Variants in NXPH1 observed in about 807,000 individuals in gnomAD.
NXPH1 encodes neurexophilin 1.
Under a neutral mutation model 23.7 loss-of-function variants are expected in NXPH1, and 5 were observed. The observed-to-expected ratio is 0.21, with a 90% confidence interval of 0.11 to 0.44. NXPH1 has a LOEUF of 0.44. NXPH1 is among the 20% of genes least tolerant of loss of function. NXPH1 has a pLI of 0.99. For synonymous variants in NXPH1, 144 were observed against 122.2 expected (o/e 1.18, Z -1.18); for missense variants, 324 against 321.6 (o/e 1.01, Z -0.06).
At chr7:8,713,189 TC>T (rs1452308260) in intron 2 of NXPH1, among the ~76,000 whole-genome samples, 1 of 152,190 alleles carries the variant, frequency 6.6e-6, no homozygotes, top group East Asian at 1.9e-4. Context: ...ATCTTCAAGC[TC>T]ACCAATCCTT....
chr7:8,505,312 C>T (rs1420936755), intron 2 of NXPH1, among the ~76,000 whole-genome samples: 1 of 151,970 alleles, frequency 6.6e-6, no homozygotes, highest in African/African-American at 2.4e-5. Flanking sequence ...ATTTTCAGTG[C>T]CAACAACCTT....
chr7:8,665,918 C>G (rs2349769), intron 2 of NXPH1, among the ~76,000 whole-genome samples: 422 of 27,682 alleles, frequency 0.015, 10 homozygotes, highest in African/African-American at 0.011. Flanking sequence ...TTTTCTTTTT[C>G]TTTTTTTTTT....
intron 2 of NXPH1, among the ~76,000 whole-genome samples, chr7:8,509,779 T>C (rs1045883468): frequency 6.6e-6 from 1 of 152,138 alleles, no homozygotes; most frequent in Non-Finnish European, 1.5e-5. Flanking sequence ...TTAACACATG[T>C]TCCAACAAAA....
intron 2 of NXPH1, among the ~76,000 whole-genome samples, chr7:8,465,181 G>T (rs987654569): frequency 2.0e-5 from 3 of 152,204 alleles, no homozygotes; most frequent in African/African-American, 7.2e-5. Context: ...ATTGCACAAG[G>T]AGGTCTCAGT....
intron 2 of NXPH1, among the ~76,000 whole-genome samples, chr7:8,676,635 T>C (rs75043739): frequency 0.017 from 2,646 of 152,298 alleles, 77 homozygotes; most frequent in African/African-American, 0.06. Context: ...GATTCCAAGA[T>C]GTGCTTATTT....
chr7:8,567,853 T>G (rs1451361414), intron 2 of NXPH1, among the ~76,000 whole-genome samples: 3 of 151,862 alleles, frequency 2.0e-5, no homozygotes, highest in Non-Finnish European at 2.9e-5. Flanking sequence ...CTAATTTCAA[T>G]CAGGTACTTT....
At chr7:8,621,648 G>A (rs138300370) in intron 2 of NXPH1, among the ~76,000 whole-genome samples, 216 of 151,862 alleles carry the variant, frequency 1.4e-3, no homozygotes, top group African/African-American at 5.1e-3. Context: ...GCACCACGCC[G>A]GCTAATTTTT....
chr7:8,726,663 A>T (rs1355688523), intron 2 of NXPH1, among the ~76,000 whole-genome samples: 3 of 149,316 alleles, frequency 2.0e-5, no homozygotes, highest in African/African-American at 7.4e-5. Context: ...AAGGACATGA[A>T]CTCATCATTT....
rs1273628883 is a variant in NXPH1 at position 8,497,645 on chromosome 7, C to A, written c.54+61878C>A. On this transcript the variant is annotated intron_variant, in intron 2 of 2. Coordinates refer to ENST00000405863, the MANE Select transcript of NXPH1 (RefSeq NM_152745.3). ...GAGCATTTTTTCATGTGTCTTTTGGCTGCATAAATGTCTTCTTTTGAGAAG... is the reference window on the plus strand; with the variant it reads ...GAGCATTTTTTCATGTGTCTTTTGGATGCATAAATGTCTTCTTTTGAGAAG... 2.0e-5 allele frequency among the ~76,000 whole-genome samples: 3 copies of A among 152,160 alleles called. No individual in the cohort carries two copies. The East Asian group carries it at 5.8e-4, about 29-fold the overall frequency.
At chr7:8,561,706 T>G (rs768013350) in intron 2 of NXPH1, among the ~76,000 whole-genome samples, 7 of 151,412 alleles carry the variant, frequency 4.6e-5, no homozygotes, top group Non-Finnish European at 8.9e-5. Context: ...GAGGGCATAA[T>G]GAGGTTTTGT....
At chr7:8,479,578 C>CT (rs1319494554) in intron 2 of NXPH1, among the ~76,000 whole-genome samples, 2 of 152,100 alleles carry the variant, frequency 1.3e-5, no homozygotes, top group Non-Finnish European at 2.9e-5. Flanking sequence ...AAAAGCACTC[C>CT]TAGCATCCAG....
intron 2 of NXPH1, among the ~76,000 whole-genome samples, chr7:8,670,384 C>T (rs1452301249): frequency 1.3e-5 from 2 of 152,154 alleles, no homozygotes; most frequent in African/African-American, 4.8e-5. Context: ...AATGTTAAAA[C>T]CAAATTGGAT....
chr7:8,470,190 G>T (rs185134590), intron 2 of NXPH1, among the ~76,000 whole-genome samples: 26 of 152,236 alleles, frequency 1.7e-4, no homozygotes, highest in Non-Finnish European at 3.5e-4. Flanking sequence ...ACAAAGAAAA[G>T]TCTATTTCCC....
At chr7:8,693,097 CAG>C (rs1821246973) in intron 2 of NXPH1, among the ~76,000 whole-genome samples, 1 of 152,022 alleles carries the variant, frequency 6.6e-6, no homozygotes, top group African/African-American at 2.4e-5. Flanking sequence ...GGAACTTAAG[CAG>C]AGTCAAAGCA....
At chr7:8,544,266 T>C (rs1268169352) in intron 2 of NXPH1, among the ~76,000 whole-genome samples, 1 of 151,610 alleles carries the variant, frequency 6.6e-6, no homozygotes, top group Admixed American at 6.6e-5. Flanking sequence ...TTCTTTGTTT[T>C]GGGGGCTTTC....
At chr7:8,555,938 G>A (rs541435677) in intron 2 of NXPH1, among the ~76,000 whole-genome samples, 29 of 151,734 alleles carry the variant, frequency 1.9e-4, no homozygotes, top group African/African-American at 6.8e-4. Context: ...TGGAACAAAT[G>A]GATCTAGTTT....
chr7:8,704,498 A>T (rs1779673487), intron 2 of NXPH1, among the ~76,000 whole-genome samples: 1 of 152,126 alleles, frequency 6.6e-6, no homozygotes, highest in South Asian at 2.1e-4. Flanking sequence ...TAAGCCAGAG[A>T]TGATGGTGGG....
intron 2 of NXPH1, among the ~76,000 whole-genome samples, chr7:8,570,952 C>A (rs1818631979): frequency 6.6e-6 from 1 of 151,666 alleles, no homozygotes; most frequent in Admixed American, 6.6e-5. Context: ...ATAAAAATAA[C>A]CTACTCAGAA....
chr7:8,553,609 G>A (rs1023783773), intron 2 of NXPH1, among the ~76,000 whole-genome samples: 1 of 151,494 alleles, frequency 6.6e-6, no homozygotes, highest in African/African-American at 2.4e-5. Flanking sequence ...CTTTCTCAGG[G>A]TAATAGTTTA....
Sources: gnomAD v4.1 joint callset for allele counts (sites outside exome capture counted in the v4.1 genomes callset) on GRCh38, gnomAD v4.1.1 for gene constraint, MANE v1.5 for transcripts, NCBI Gene and HGNC (gene_info 2026-07-23, HGNC 2026-07-21) for gene names.